The following PIK3C2G variants were observed in gnomAD, a reference collection of about 807,000 sequenced individuals.
PIK3C2G encodes the protein phosphatidylinositol 3-kinase C2 domain-containing subunit gamma.
In PIK3C2G, 168 loss-of-function variants were observed where a neutral mutation model predicts 181.1. The observed-to-expected ratio is 0.93, with a 90% CI of 0.82 to 1.05. PIK3C2G has a LOEUF of 1.05. PIK3C2G is among the 50% of genes least tolerant of loss of function. The pLI is 0.00. For missense variants in PIK3C2G, 1,869 were observed against 1,732.8 expected (o/e 1.08, Z -1.40); for synonymous variants, 573 against 592.2 (o/e 0.97, Z 0.47).
intron 5 of PIK3C2G, among the ~76,000 whole-genome samples, chr12:18,301,753 C>G (rs536120111): frequency 1.3e-5 from 2 of 152,030 alleles, no homozygotes; most frequent in East Asian, 3.9e-4. Flanking sequence ...TTTGTGTTCT[C>G]TTGAAGATTC....
chr12:18,320,368 AG>A (rs60765637), intron 6 of PIK3C2G, among the ~76,000 whole-genome samples: 20,740 of 152,180 alleles, frequency 0.14, 1,747 homozygotes, highest in Admixed American at 0.22. Flanking sequence ...TATGGGCCAT[AG>A]GCATGATATT....
At chr12:18,662,281 A>G in the PIK3C2G span, among the ~76,000 whole-genome samples, 8 of 147,226 alleles carry the variant, frequency 5.4e-5, no homozygotes, top group African/African-American at 1.7e-4. Flanking sequence ...TTACCTATGT[A>G]GCAAACCTGA....
At chr12:18,681,635 ACAT>A in the PIK3C2G span, among the ~76,000 whole-genome samples, 1 of 152,084 alleles carries the variant, frequency 6.6e-6, no homozygotes, top group African/African-American at 2.4e-5. Context: ...ATGTTTCAAG[ACAT>A]CATAAGATTC....
At chr12:18,682,270 T>C in the PIK3C2G span, among the ~76,000 whole-genome samples, 2 of 152,076 alleles carry the variant, frequency 1.3e-5, no homozygotes, top group Non-Finnish European at 2.9e-5. Context: ...TTGGGTTATA[T>C]TTTCTGGTCA....
At chr12:18,582,141 A>G (rs1272939005) in intron 29 of PIK3C2G, among the ~76,000 whole-genome samples, 1 of 152,198 alleles carries the variant, frequency 6.6e-6, no homozygotes, top group African/African-American at 2.4e-5. Flanking sequence ...GCTAGTGTGC[A>G]TAGCTCTCAT....
chr12:18,699,094 C>G, the PIK3C2G span, among the ~76,000 whole-genome samples: 1 of 152,086 alleles, frequency 6.6e-6, no homozygotes, highest in Admixed American at 6.6e-5. Context: ...GAATAACCAC[C>G]TCAGTTTTAG....
chr12:18,569,421 G>A (rs960432034), intron 29 of PIK3C2G, among the ~76,000 whole-genome samples: 1 of 151,914 alleles, frequency 6.6e-6, no homozygotes, highest in African/African-American at 2.4e-5. Context: ...AGAATGACTG[G>A]TTTTAGGCCA....
At chr12:18,527,215 A>T (rs1943284604) in intron 24 of PIK3C2G, among the ~76,000 whole-genome samples, 1 of 152,148 alleles carries the variant, frequency 6.6e-6, no homozygotes, top group African/African-American at 2.4e-5. Flanking sequence ...CAATATAAGG[A>T]TCTCATAGCG....
At chr12:18,339,209 A>C (rs909258821) in intron 9 of PIK3C2G, among the ~76,000 whole-genome samples, 1 of 152,128 alleles carries the variant, frequency 6.6e-6, no homozygotes, top group Non-Finnish European at 1.5e-5. Context: ...GGTTACAATA[A>C]ATTCATTTAT....
At chr12:18,431,931 CCCAA>C (rs1279079353) in intron 18 of PIK3C2G, among the ~76,000 whole-genome samples, 2 of 152,148 alleles carry the variant, frequency 1.3e-5, no homozygotes, top group East Asian at 3.9e-4. Context: ...TGTTCTCTAT[CCCAA>C]CCAACCTGAA....
At chr12:18,372,002 T>C (rs1942097135) in intron 13 of PIK3C2G, among the ~76,000 whole-genome samples, 1 of 152,134 alleles carries the variant, frequency 6.6e-6, no homozygotes, top group Admixed American at 6.6e-5. Context: ...AGAACATATA[T>C]TGTAATGTTA....
At chr12:18,654,019 T>G in the PIK3C2G span, among the ~76,000 whole-genome samples, 1 of 152,018 alleles carries the variant, frequency 6.6e-6, no homozygotes, top group Non-Finnish European at 1.5e-5. Context: ...TTTCTGATAG[T>G]TTCTTACTAT....
the PIK3C2G span, chr12:18,705,415 C>T: frequency 2.6e-4 from 369 of 1,397,744 alleles, no homozygotes; most frequent in Non-Finnish European, 3.5e-4. Flanking sequence ...TTACTTCTAA[C>T]GTTTAGTACC....
chr12:18,589,818 C>T (rs1203331611), intron 29 of PIK3C2G, among the ~76,000 whole-genome samples: 4 of 151,938 alleles, frequency 2.6e-5, no homozygotes, highest in Non-Finnish European at 4.4e-5. Flanking sequence ...CCATTTTCAT[C>T]TTTCTTAAAA....
intron 1 of PIK3C2G, among the ~76,000 whole-genome samples, chr12:18,276,590 TA>T (rs1333178816): frequency 6.6e-6 from 1 of 152,174 alleles, no homozygotes; most frequent in Non-Finnish European, 1.5e-5. Context: ...ATAAGCTTAA[TA>T]ATATTCTATA....
the PIK3C2G span, among the ~76,000 whole-genome samples, chr12:18,679,602 G>A: frequency 6.6e-6 from 1 of 151,848 alleles, no homozygotes; most frequent in Non-Finnish European, 1.5e-5. Context: ...CCGAGCCTGT[G>A]TCATTAACAA....
At chr12:18,284,094 G>C (rs1312990314) in intron 2 of PIK3C2G, among the ~76,000 whole-genome samples, 2 of 152,090 alleles carry the variant, frequency 1.3e-5, no homozygotes, top group Non-Finnish European at 2.9e-5. Context: ...GAAGTAGAGA[G>C]AGGACTTACG....
chr12:18,717,813 T>C, the PIK3C2G span, among the ~76,000 whole-genome samples: 1 of 152,186 alleles, frequency 6.6e-6, no homozygotes, highest in African/African-American at 2.4e-5. Context: ...GTCCCCAACA[T>C]ATGATGGTTC....
At position 18,505,385 on chromosome 12, in the gene PIK3C2G, A is replaced by G; in HGVS notation, c.3247A>G (p.Thr1083Ala). The change falls in exon 24 of 33, where the codon ACA becomes GCA. Residue 1083 changes from threonine to alanine, a missense_variant. By Grantham distance (58) the Thr-to-Ala change is moderately conservative (BLOSUM62 0). Coordinates refer to ENST00000538779, the MANE Select transcript of PIK3C2G (RefSeq NM_001288772.2). ...CCGTCACAATGATAATATCATGCTG[A>G]CAAAGTCGGGCCACATGTTTCATAT... Reference protein sequence around the residue: ...CDRHNDNIMLTKSGHMFHIDF... With the variant: ...CDRHNDNIMLAKSGHMFHIDF... 1 of 1,613,452 alleles carries G rather than the reference A, an allele frequency of 6.2e-7. No individual in the cohort carries two copies. Among genetic ancestry groups the G allele is most frequent in the Non-Finnish European group, 8.5e-7 (1 of 1,179,638 alleles).
Sources: gnomAD v4.1 joint callset for allele counts (sites outside exome capture counted in the v4.1 genomes callset) on GRCh38, gnomAD v4.1.1 for gene constraint, MANE v1.5 for transcripts, NCBI Gene and HGNC (gene_info 2026-07-23, HGNC 2026-07-21) for gene names.